Variants in TEX36 observed in about 807,000 individuals in gnomAD.
TEX36 encodes the protein testis-expressed protein 36.
Under a neutral mutation model 13.6 loss-of-function variants are expected in TEX36, and 12 were observed. The observed-to-expected ratio is 0.88, with a 90% CI of 0.56 to 1.43. The LOEUF is 1.43. Among genes scored for constraint, TEX36 ranks in the 40% most tolerant of loss-of-function variants. The probability of loss-of-function intolerance (pLI) is 0.00; values close to 1 mark genes in which losing one functional copy is unlikely to be tolerated. For synonymous variants in TEX36, 93 were observed against 83.0 expected (o/e 1.12, Z -0.65); for missense variants, 224 against 228.3 (o/e 0.98, Z 0.12).
intron 1 of TEX36, among the ~76,000 whole-genome samples, chr10:125,678,984 T>C (rs1432435875): frequency 6.6e-6 from 1 of 152,050 alleles, no homozygotes; most frequent in Non-Finnish European, 1.5e-5. Flanking sequence ...GCCCTGTCAC[T>C]GGAGGGAGGG....
At chr10:125,592,206 G>A (rs1846028784) in intron 3 of TEX36, among the ~76,000 whole-genome samples, 1 of 152,096 alleles carries the variant, frequency 6.6e-6, no homozygotes, top group South Asian at 2.1e-4. Flanking sequence ...CCTCCCGCTG[G>A]GAGAAAACCT....
intron 1 of TEX36, among the ~76,000 whole-genome samples, chr10:125,679,735 C>G (rs1446743557): frequency 6.6e-6 from 1 of 152,230 alleles, no homozygotes; most frequent in Non-Finnish European, 1.5e-5. Context: ...CCAGCGTTCT[C>G]TCTTGGATAA....
At chr10:125,618,861 C>T (rs946803529), downstream of TEX36, among the ~76,000 whole-genome samples, 1 of 144,472 alleles carries the variant, frequency 6.9e-6, no homozygotes, top group African/African-American at 2.6e-5. Context: ...AATCCTAGCA[C>T]TTTGGGAGGC....
intron 3 of TEX36, among the ~76,000 whole-genome samples, chr10:125,640,514 T>C (rs879607113): frequency 1.3e-5 from 2 of 152,188 alleles, no homozygotes; most frequent in Non-Finnish European, 2.9e-5. Flanking sequence ...TATTTTGGTA[T>C]AGCCATAACA....
chr10:125,632,047 G>A (rs1158418120), intron 3 of TEX36, among the ~76,000 whole-genome samples: 2 of 152,178 alleles, frequency 1.3e-5, no homozygotes, highest in Admixed American at 6.5e-5. Context: ...GGGGCAGTGT[G>A]TGTGGGAGTG....
intron 3 of TEX36, among the ~76,000 whole-genome samples, chr10:125,577,978 G>A (rs551182537): frequency 5.3e-5 from 8 of 152,342 alleles, no homozygotes; most frequent in African/African-American, 1.9e-4. Flanking sequence ...TATTCTATGA[G>A]AGCATGCCTT....
At chr10:125,618,153 C>G (rs1230343931), downstream of TEX36, among the ~76,000 whole-genome samples, 12 of 152,096 alleles carry the variant, frequency 7.9e-5, no homozygotes, top group African/African-American at 2.9e-4. Flanking sequence ...CCTTTAAGCA[C>G]TTCTCTGTAT....
At chr10:125,670,058 G>C (rs562946144) in intron 1 of TEX36, among the ~76,000 whole-genome samples, 12 of 152,182 alleles carry the variant, frequency 7.9e-5, no homozygotes, top group Non-Finnish European at 1.6e-4. Flanking sequence ...AAGAACATAC[G>C]CATGAATGTA....
chr10:125,606,477 T>C (rs530367691), intron 3 of TEX36, among the ~76,000 whole-genome samples: 75 of 152,330 alleles, frequency 4.9e-4, no homozygotes, highest in Admixed American at 1.4e-3. Context: ...AACCTGACCT[T>C]TAAACACATC....
rs115792745 is a variant in TEX36, at chr10:125,588,381, A to G, written c.265-11507T>C. 7.3e-3 allele frequency among the ~76,000 whole-genome samples: 1,109 copies of G among 152,320 alleles called. 13 individuals are homozygous for G. The highest frequency in any genetic ancestry group is 0.026 in the African/African-American group (1,080 of 41,576). On this transcript the variant is annotated intron_variant, in intron 3 of 3. Transcript: ENST00000532135. The stretch of plus-strand genomic sequence containing the variant: ...CGTTAGTCCATTTTTGCATTGCTTT[A>G]GAGAAATACCTGAGGCTAGGTAATT...
At chr10:125,584,404 C>T (rs1845918642) in intron 3 of TEX36, among the ~76,000 whole-genome samples, 1 of 152,110 alleles carries the variant, frequency 6.6e-6, no homozygotes, top group Non-Finnish European at 1.5e-5. Flanking sequence ...AAAAATAATC[C>T]TCGTAATCCT....
Position 125,595,017 on chromosome 10 carries a change from T to C in TEX36, c.265-18143A>G, listed in dbSNP as rs368103210. Among the ~76,000 whole-genome samples, 50 of 152,314 alleles carry C rather than the reference T, an allele frequency of 3.3e-4. No homozygotes were observed. The South Asian group carries it at 0.01, about 31-fold the overall frequency. ...AGCATATAAAGGGGTAATATAACTA[T>C]AGTCACAATTAAGATTTTAAAAATT... On this transcript the variant is annotated intron_variant, in intron 3 of 3. Coordinates refer to the TEX36 transcript ENST00000532135.
At chr10:125,681,689 T>G (rs546944863) in intron 1 of TEX36, among the ~76,000 whole-genome samples, 1 of 152,360 alleles carries the variant, frequency 6.6e-6, no homozygotes, top group African/African-American at 2.4e-5. Context: ...TTTCCATGCT[T>G]TAAATTTTTG....
intron 3 of TEX36, among the ~76,000 whole-genome samples, chr10:125,611,042 C>T (rs565921345): frequency 2.6e-5 from 4 of 152,132 alleles, no homozygotes; most frequent in South Asian, 2.1e-4. Flanking sequence ...TTCATTTAAT[C>T]GTATATTGTG....
At chr10:125,595,002 G>A (rs983412340) in intron 3 of TEX36, among the ~76,000 whole-genome samples, 91 of 152,184 alleles carry the variant, frequency 6.0e-4, no homozygotes, top group African/African-American at 2.1e-3. Context: ...AGCATATAAA[G>A]GGGTAATATA....
At chr10:125,592,489 T>C (rs1565169129) in intron 3 of TEX36, among the ~76,000 whole-genome samples, 2 of 152,328 alleles carry the variant, frequency 1.3e-5, no homozygotes, top group Middle Eastern at 3.4e-3. Flanking sequence ...GTGTTTTTCC[T>C]ACTTTCTTAC....
At chr10:125,616,544 C>G (rs1467468346) in intron 3 of TEX36, among the ~76,000 whole-genome samples, 1 of 100,306 alleles carries the variant, frequency 1.0e-5, no homozygotes, top group African/African-American at 3.9e-5. Context: ...CGTTATGTAC[C>G]CAGTAGTCAT....
intron 3 of TEX36, among the ~76,000 whole-genome samples, chr10:125,610,394 G>A (rs182370736): frequency 6.6e-5 from 10 of 152,204 alleles, no homozygotes; most frequent in Admixed American, 1.3e-4. Flanking sequence ...ATATCCTGCC[G>A]TTTTCAAAGT....
chr10:125,679,861 G>T (rs115016454), intron 1 of TEX36, among the ~76,000 whole-genome samples: 1 of 152,044 alleles, frequency 6.6e-6, no homozygotes, highest in Non-Finnish European at 1.5e-5. Context: ...ATTATTTTAC[G>T]GTAGCTTTGG....
Sources: allele counts gnomAD v4.1 joint callset (sites outside exome capture counted in the v4.1 genomes callset), GRCh38; gene constraint gnomAD v4.1.1; transcripts MANE v1.5; gene names NCBI Gene and HGNC (gene_info 2026-07-23, HGNC 2026-07-21).